SLX4IP: variants seen among roughly 807,000 people sequenced by gnomAD.
The protein encoded by SLX4IP is protein SLX4IP.
SLX4IP carries 34 observed loss-of-function variants against 32.9 expected under a neutral mutation model. That is an observed-to-expected ratio of 1.03 (90% CI 0.79 to 1.38). The LOEUF (loss-of-function observed/expected upper bound fraction) is 1.38, where lower values mean the gene tolerates loss of function less well. Among genes scored for constraint, SLX4IP ranks in the 40% most tolerant of loss-of-function variants. SLX4IP has a pLI of 0.00. For synonymous variants in SLX4IP, 172 were observed against 171.7 expected (o/e 1.00, Z -0.01); for missense variants, 444 against 479.0 (o/e 0.93, Z 0.68).
At chr20:10,457,938 A>G (rs1351365013) in intron 1 of SLX4IP, among the ~76,000 whole-genome samples, 3 of 151,738 alleles carry the variant, frequency 2.0e-5, no homozygotes, top group Admixed American at 6.6e-5. Context: ...TTGGCCTCCC[A>G]AAGTGCTGGG....
intron 1 of SLX4IP, among the ~76,000 whole-genome samples, chr20:10,440,057 A>C (rs1432247351): frequency 6.6e-6 from 1 of 152,210 alleles, no homozygotes; most frequent in Admixed American, 6.5e-5. Context: ...TAATATATAG[A>C]ATATGGCTAT....
chr20:10,594,426 G>A (rs1006684084), intron 4 of SLX4IP, among the ~76,000 whole-genome samples: 5 of 152,132 alleles, frequency 3.3e-5, no homozygotes, highest in African/African-American at 9.7e-5. Context: ...TCCCAGGCTC[G>A]TCCATGAATG....
chr20:10,515,326 C>A (rs2065841126), intron 2 of SLX4IP, among the ~76,000 whole-genome samples: 2 of 152,088 alleles, frequency 1.3e-5, no homozygotes, highest in South Asian at 4.1e-4. Context: ...CTCAGATGAT[C>A]TGCCAACTTC....
rs138502340 is a variant in SLX4IP, at chr20:10,604,856, C to G, written c.405+3037C>G. 5.5e-3 allele frequency among the ~76,000 whole-genome samples: 835 copies of G among 152,280 alleles called. 18 individuals carry two copies. Among genetic ancestry groups the G allele is most frequent in the Middle Eastern group, 0.027 (8 of 294 alleles). The stretch of plus-strand genomic sequence containing the variant: ...CTTACTAGAGTTTCTCATAAGAAAT[C>G]TAAAAACTCTTGTAGCCTCAGTTTT... On this transcript the variant is annotated intron_variant, in intron 6 of 7. Transcript: ENST00000334534.
At chr20:10,544,244 A>T (rs1428362989) in intron 2 of SLX4IP, among the ~76,000 whole-genome samples, 1 of 152,054 alleles carries the variant, frequency 6.6e-6, no homozygotes, top group Non-Finnish European at 1.5e-5. Context: ...CTCTCCCTTC[A>T]TCCAGCAGGT....
intron 4 of SLX4IP, among the ~76,000 whole-genome samples, chr20:10,590,000 G>A (rs1473556796): frequency 3.3e-5 from 5 of 150,410 alleles, no homozygotes; most frequent in South Asian, 4.2e-4. Context: ...ATTATTTTTC[G>A]CAGCTTCCAA....
At chr20:10,573,268 C>G (rs1008939582) in intron 4 of SLX4IP, among the ~76,000 whole-genome samples, 2 of 152,190 alleles carry the variant, frequency 1.3e-5, no homozygotes, top group African/African-American at 4.8e-5. Flanking sequence ...AGCCCTTCCT[C>G]CATACAAACC....
intron 1 of SLX4IP, among the ~76,000 whole-genome samples, chr20:10,457,688 T>C (rs1222640860): frequency 6.6e-6 from 1 of 152,178 alleles, no homozygotes; most frequent in African/African-American, 2.4e-5. Flanking sequence ...TCTCTGGTAT[T>C]GGTATCAGGA....
In SLX4IP at chr20:10,623,226, G is replaced by A; in HGVS notation, c.1074G>A (p.Glu358=). 1 of 1,614,236 alleles carries A rather than the reference G, an allele frequency of 6.2e-7. No homozygotes were observed. Among genetic ancestry groups the A allele is most frequent in the Non-Finnish European group, 8.5e-7 (1 of 1,180,052 alleles). Residue 358 remains glutamate (E), a synonymous_variant, in exon 8 of 8, where the codon GAG becomes GAA. Transcript: ENST00000334534. The part of the protein sequence containing the change: ...QDLAKTTSKE[E]LHVLESLSSR... ...TGGCAAAAACCACGTCTAAGGAAGAGTTGCATGTTTTGGAAAGTCTCTCCT... is the reference window on the plus strand; with the variant it reads ...TGGCAAAAACCACGTCTAAGGAAGAATTGCATGTTTTGGAAAGTCTCTCCT...
rs538623039 is a variant in SLX4IP, at chr20:10,464,852, G to C, written c.27+6621G>C. On this transcript the variant is annotated intron_variant, in intron 2 of 7. Transcript: ENST00000334534. ...CACTATTTTTTAGAGACAGGATCTC[G>C]TTATGTTGCACAGGCTGAACATGAA... Among the ~76,000 whole-genome samples the C allele has an allele frequency of 7.6e-4, 116 of 151,828 alleles. 1 individual carries two copies. Among genetic ancestry groups the C allele is most frequent in the South Asian group, 6.6e-3 (32 of 4,814 alleles).
intron 2 of SLX4IP, among the ~76,000 whole-genome samples, chr20:10,514,496 G>C (rs927887330): frequency 6.6e-6 from 1 of 152,168 alleles, no homozygotes. Flanking sequence ...TGAGCATTCT[G>C]GTCAGATTAT....
At chr20:10,490,799 C>A (rs1409520780) in intron 2 of SLX4IP, among the ~76,000 whole-genome samples, 1 of 152,124 alleles carries the variant, frequency 6.6e-6, no homozygotes, top group East Asian at 1.9e-4. Context: ...TGTCCATTCT[C>A]CTTCTCCCTG....
intron 2 of SLX4IP, among the ~76,000 whole-genome samples, chr20:10,549,819 G>A (rs1481970935): frequency 5.9e-5 from 9 of 152,210 alleles, no homozygotes; most frequent in African/African-American, 1.7e-4. Flanking sequence ...ACTTAGCACA[G>A]TGCCTGGAAC....
chr20:10,438,419 A>G (rs2065133253), intron 1 of SLX4IP, among the ~76,000 whole-genome samples: 1 of 150,326 alleles, frequency 6.7e-6, no homozygotes, highest in Non-Finnish European at 1.5e-5. Context: ...CTTCCAGGAA[A>G]CCTCTGATCT....
intron 1 of SLX4IP, among the ~76,000 whole-genome samples, chr20:10,436,750 T>G (rs925840744): frequency 2.0e-5 from 3 of 152,176 alleles, no homozygotes; most frequent in African/African-American, 7.2e-5. Context: ...TTTGACAGGT[T>G]TTTTTCTGTG....
chr20:10,595,489 A>G (rs529098563), intron 4 of SLX4IP, among the ~76,000 whole-genome samples: 1 of 152,326 alleles, frequency 6.6e-6, no homozygotes, highest in African/African-American at 2.4e-5. Context: ...CCCAAGTAGG[A>G]AAAGCAAAAG....
chr20:10,597,031 C>G (rs1343446325), intron 4 of SLX4IP, among the ~76,000 whole-genome samples: 1 of 152,224 alleles, frequency 6.6e-6, no homozygotes, highest in Non-Finnish European at 1.5e-5. Context: ...ATGACTAAAG[C>G]AATTGTTCTG....
chr20:10,475,211 T>C (rs2065465265), intron 2 of SLX4IP, among the ~76,000 whole-genome samples: 1 of 152,224 alleles, frequency 6.6e-6, no homozygotes, highest in Admixed American at 6.5e-5. Flanking sequence ...TTTGGTGTAT[T>C]GAGGTCATGC....
intron 2 of SLX4IP, among the ~76,000 whole-genome samples, chr20:10,534,854 A>G (rs1003379474): frequency 1.3e-5 from 2 of 152,212 alleles, no homozygotes; most frequent in African/African-American, 4.8e-5. Context: ...ATAGGTTGTT[A>G]TGAAAATCAA....
Sources: allele counts gnomAD v4.1 joint callset (sites outside exome capture counted in the v4.1 genomes callset), GRCh38; gene constraint gnomAD v4.1.1; transcripts MANE v1.5; gene names NCBI Gene and HGNC (gene_info 2026-07-23, HGNC 2026-07-21).